The following MAPK10 variants were observed in gnomAD, a reference collection of about 807,000 sequenced individuals.
MAPK10 encodes the protein mitogen-activated protein kinase 10, also known as JNK3 alpha protein kinase.
Under a neutral mutation model 59.3 loss-of-function variants are expected in MAPK10, and 25 were observed. That is an observed-to-expected ratio of 0.42 (90% CI 0.31 to 0.59). The LOEUF (loss-of-function observed/expected upper bound fraction) is 0.59, where lower values mean the gene tolerates loss of function less well. Among genes scored for constraint, MAPK10 ranks in the 20% least tolerant of loss-of-function variants. The pLI, the probability that MAPK10 is intolerant of heterozygous loss-of-function variation, is 0.15. For missense variants in MAPK10, 351 were observed against 568.9 expected (o/e 0.62, Z 3.90); for synonymous variants, 190 against 200.5 (o/e 0.95, Z 0.44).
intron 2 of MAPK10, chr4:86,336,684 A>G (rs1019060010): frequency 2.0e-5 from 3 of 151,816 alleles, no homozygotes; most frequent in African/African-American, 7.3e-5. Flanking sequence ...CTCCTCGACC[A>G]TACCTACCAT....
intron 3 of MAPK10, among the ~76,000 whole-genome samples, chr4:86,184,846 T>C (rs943492279): frequency 6.6e-6 from 1 of 152,154 alleles, no homozygotes; most frequent in African/African-American, 2.4e-5. Flanking sequence ...CTTTTCTCTA[T>C]AAATTACCCA....
chr4:86,319,690 C>T (rs866852794), intron 2 of MAPK10, among the ~76,000 whole-genome samples: 39 of 152,292 alleles, frequency 2.6e-4, no homozygotes, highest in Middle Eastern at 6.8e-3. Flanking sequence ...TCCAAGGAAA[C>T]CTGCTCAGCC....
intron 3 of MAPK10, among the ~76,000 whole-genome samples, chr4:86,170,135 G>C (rs1435674999): frequency 6.6e-6 from 1 of 151,652 alleles, no homozygotes; most frequent in Non-Finnish European, 1.5e-5. Context: ...ATCGAGACTA[G>C]GAAGAAACTG....
At chr4:86,172,268 T>C (rs1418393884) in intron 3 of MAPK10, among the ~76,000 whole-genome samples, 1 of 143,912 alleles carries the variant, frequency 6.9e-6, no homozygotes. Flanking sequence ...TAAAGACACA[T>C]GCACACGTAT....
At chr4:86,277,768 T>C (rs994195987) in intron 2 of MAPK10, among the ~76,000 whole-genome samples, 8 of 152,312 alleles carry the variant, frequency 5.3e-5, no homozygotes, top group African/African-American at 1.9e-4. Flanking sequence ...TGTATTATTT[T>C]CCTACCTTTA....
At chr4:86,026,325 A>G (rs1235959363) in intron 13 of MAPK10, 1 of 152,238 alleles carries the variant, frequency 6.6e-6, no homozygotes, top group Admixed American at 6.5e-5. Context: ...ATTAATTTCA[A>G]TTCATGGACT....
intron 4 of MAPK10, among the ~76,000 whole-genome samples, chr4:86,121,600 A>G (rs1005300653): frequency 6.6e-6 from 1 of 152,108 alleles, no homozygotes; most frequent in African/African-American, 2.4e-5. Context: ...TATATTTTTA[A>G]TTGACAAAAA....
chr4:86,251,389 T>C (rs1457917510), intron 2 of MAPK10, among the ~76,000 whole-genome samples: 1 of 150,726 alleles, frequency 6.6e-6, no homozygotes, highest in Non-Finnish European at 1.5e-5. Context: ...TGTGATCTCA[T>C]TGTTCAATCC....
intron 1 of MAPK10, among the ~76,000 whole-genome samples, chr4:86,506,944 C>A (rs1369068716): frequency 2.6e-5 from 4 of 151,982 alleles, no homozygotes; most frequent in Non-Finnish European, 5.9e-5. Flanking sequence ...ATACAATATA[C>A]ATAAAAATAT....
chr4:86,186,241 A>G (rs1325596225), intron 3 of MAPK10, among the ~76,000 whole-genome samples: 1 of 152,098 alleles, frequency 6.6e-6, no homozygotes, highest in Non-Finnish European at 1.5e-5. Context: ...GCCCAAGGTC[A>G]CAAGTAAATG....
intron 1 of MAPK10, among the ~76,000 whole-genome samples, chr4:86,506,562 A>G (rs1000196478): frequency 3.3e-5 from 5 of 152,158 alleles, no homozygotes; most frequent in Admixed American, 2.6e-4. Context: ...GAAGAAGACC[A>G]TGACTCAAAG....
At chr4:86,382,208 T>A (rs1317596933) in intron 1 of MAPK10, among the ~76,000 whole-genome samples, 1 of 151,068 alleles carries the variant, frequency 6.6e-6, no homozygotes, top group Non-Finnish European at 1.5e-5. Flanking sequence ...CCTGCTGTAG[T>A]CCATTTAGAT....
chr4:86,295,139 GGACACAGCCC>G (rs1282628880), intron 2 of MAPK10, among the ~76,000 whole-genome samples: 2 of 152,150 alleles, frequency 1.3e-5, no homozygotes, highest in Non-Finnish European at 2.9e-5. Flanking sequence ...TTACGTGTTA[GGACACAGCCC>G]GACACTCACA....
chr4:86,035,935 G>A (rs1193651482), intron 11 of MAPK10, among the ~76,000 whole-genome samples: 1 of 152,168 alleles, frequency 6.6e-6, no homozygotes, highest in South Asian at 2.1e-4. Flanking sequence ...CTATGACAGT[G>A]GATGAGGTCA....
chr4:86,039,078 A>C (rs762603631), intron 11 of MAPK10, among the ~76,000 whole-genome samples: 1 of 152,234 alleles, frequency 6.6e-6, no homozygotes, highest in Non-Finnish European at 1.5e-5. Context: ...ACTACAGATT[A>C]AATAAATGCC....
At chr4:86,586,908 AGCGAGTCCTGGT>A (rs1327538863) in intron 1 of MAPK10, among the ~76,000 whole-genome samples, 13 of 152,364 alleles carry the variant, frequency 8.5e-5, no homozygotes, top group African/African-American at 3.1e-4. Context: ...TCATAGATCT[AGCGAGTCCTGGT>A]GCCTGTAAAT....
intron 2 of MAPK10, among the ~76,000 whole-genome samples, chr4:86,245,222 G>A (rs1255741945): frequency 3.3e-5 from 5 of 151,808 alleles, no homozygotes; most frequent in African/African-American, 2.4e-5. Context: ...GCTTATATTC[G>A]AGTGCTTTGA....
At chr4:86,133,739 C>A (rs370678589) in intron 4 of MAPK10, among the ~76,000 whole-genome samples, 2 of 152,188 alleles carry the variant, frequency 1.3e-5, no homozygotes, top group East Asian at 1.9e-4. Flanking sequence ...GTGGCTCCAA[C>A]TGAGATTAAG....
chr4:86,038,700 T>G (rs2040864843), intron 11 of MAPK10, among the ~76,000 whole-genome samples: 2 of 152,168 alleles, frequency 1.3e-5, no homozygotes, highest in Non-Finnish European at 2.9e-5. Flanking sequence ...CAGTTTAGCA[T>G]GTCCAATTTT....
Sources: gnomAD v4.1 joint callset for allele counts (sites outside exome capture counted in the v4.1 genomes callset) on GRCh38, gnomAD v4.1.1 for gene constraint, MANE v1.5 for transcripts, NCBI Gene and HGNC (gene_info 2026-07-23, HGNC 2026-07-21) for gene names.